SEZ6: variants seen among roughly 807,000 people sequenced by gnomAD.
SEZ6 encodes seizure protein 6 homolog.
A neutral mutation model predicts 101.0 loss-of-function variants in SEZ6; 53 were observed. The ratio of observed to expected loss-of-function variants is 0.52; its 90% confidence interval spans 0.42 to 0.66. The LOEUF is 0.66. SEZ6 is among the 30% of genes least tolerant of loss of function. SEZ6 has a pLI of 0.00. For missense variants in SEZ6, 1,102 were observed against 1,289.4 expected, an observed-to-expected ratio of 0.85 and a Z score of 2.23; for synonymous variants, 488 against 512.2, an observed-to-expected ratio of 0.95 and a Z score of 0.64.
rs1475724470 is a variant in SEZ6, at chr17:29,005,982, C to G, written c.-113G>C. 1.1e-6 allele frequency: 1 copy of G among 923,586 alleles called. No individual in the cohort carries two copies. The highest frequency in any genetic ancestry group is 1.4e-6 in the Non-Finnish European group (1 of 711,648). 57.2% of individuals were successfully genotyped at this position (923,586 alleles called of 1,614,324 possible). On this transcript the variant is annotated 5_prime_UTR_variant, in exon 1 of 17. Coordinates refer to ENST00000317338, the MANE Select transcript of SEZ6 (RefSeq NM_178860.5). The surrounding 1 kb of genome is among the most constrained non-coding windows in gnomAD (Gnocchi z 4.8). The stretch of plus-strand genomic sequence containing the variant: ...TCCGGCCGGGTAGAGGGAGCGGGGC[C>G]GCAGCCGTCACCGCCGCTGCCGCCG...
At chr17:28,986,456 C>A (rs572937545) in intron 1 of SEZ6, among the ~76,000 whole-genome samples, 3 of 152,194 alleles carry the variant, frequency 2.0e-5, no homozygotes, top group East Asian at 1.9e-4. Context: ...TTAGGGGAAG[C>A]CTTAAGGACT....
intron 1 of SEZ6, among the ~76,000 whole-genome samples, chr17:28,988,894 G>T (rs2041420110): frequency 1.3e-5 from 2 of 152,180 alleles, no homozygotes; most frequent in Non-Finnish European, 2.9e-5. Flanking sequence ...GATGGGGCTG[G>T]GACATCTAGC....
intron 1 of SEZ6, among the ~76,000 whole-genome samples, chr17:28,995,312 ATTTG>A (rs1395339676): frequency 6.7e-6 from 1 of 150,104 alleles, no homozygotes; most frequent in Non-Finnish European, 1.5e-5. Flanking sequence ...GTGTGAGCAT[ATTTG>A]TTTGTGTGTC....
At chr17:28,991,201 A>G (rs2041452298) in intron 1 of SEZ6, among the ~76,000 whole-genome samples, 1 of 144,164 alleles carries the variant, frequency 6.9e-6, no homozygotes, top group Non-Finnish European at 1.5e-5. Context: ...CACCACTCCC[A>G]GCCTCCATTT....
In SEZ6 at chr17:28,964,095, A is replaced by G; in HGVS notation, c.1107T>C (p.Thr369=). The G allele has an allele frequency of 6.2e-7, 1 of 1,605,782 alleles. No individual in the cohort carries two copies. Among genetic ancestry groups the G allele is most frequent in the Non-Finnish European group, 8.5e-7 (1 of 1,176,108 alleles). Reference sequence around the variant, plus strand: ...TACCCCCTGGGTGGAGGCTGGTGACAGTCACATCTCCATAAGCTGGACGAC... The same window carrying G: ...TACCCCCTGGGTGGAGGCTGGTGACGGTCACATCTCCATAAGCTGGACGAC... ...FPRRPAYGDV[T]VTSLHPGGSA... is the part of the protein sequence containing the mutation. Residue 369 remains threonine, a synonymous_variant, in exon 5 of 17, where the codon ACT becomes ACC. Coordinates refer to ENST00000317338, the MANE Select transcript of SEZ6 (RefSeq NM_178860.5).
rs568912491 is a variant in SEZ6, at chr17:28,971,274, A to C, written c.859-1322T>G. On this transcript the variant is annotated intron_variant, in intron 3 of 16. Coordinates refer to ENST00000317338, the MANE Select transcript of SEZ6 (RefSeq NM_178860.5). Reference sequence around the variant, plus strand: ...ATGTGGTTCTTGGACCAGCATCAGCAGCCTCACCTGGGAACTTGTAAGAAA... The same window carrying C: ...ATGTGGTTCTTGGACCAGCATCAGCCGCCTCACCTGGGAACTTGTAAGAAA... 1.2e-3 allele frequency among the ~76,000 whole-genome samples: 188 copies of C among 152,292 alleles called. 1 individual carries two copies. Among genetic ancestry groups the C allele is most frequent in the Admixed American group, 5.8e-3 (88 of 15,304 alleles).
chr17:29,005,712 G>A lies in SEZ6; in HGVS notation c.55+103C>T. On this transcript the variant is annotated intron_variant, in intron 1 of 16. Transcript: ENST00000317338. The surrounding 1 kb of genome is among the most constrained non-coding windows in gnomAD (Gnocchi z 4.8). ...CGCAGCCGGCGGGGCGCGGTGCTTGGACTGGGCAGCCAGATGCCCGAAGCT... is the reference window on the plus strand; with the variant it reads ...CGCAGCCGGCGGGGCGCGGTGCTTGAACTGGGCAGCCAGATGCCCGAAGCT... The A allele has an allele frequency of 8.1e-7, 1 of 1,237,882 alleles. No homozygotes were observed. The highest frequency in any genetic ancestry group is 1.1e-6 in the Non-Finnish European group (1 of 929,988). 76.7% of individuals were successfully genotyped at this position (1,237,882 alleles called of 1,614,324 possible).
intron 1 of SEZ6, among the ~76,000 whole-genome samples, chr17:29,002,491 G>A (rs2041628186): frequency 6.6e-6 from 1 of 152,192 alleles, no homozygotes; most frequent in Non-Finnish European, 1.5e-5. Context: ...CCTATGAGGA[G>A]CAAAAAGCCA....
chr17:29,005,976 C>A lies in SEZ6; in HGVS notation c.-107G>T, dbSNP rs1320658911. On this transcript the variant is annotated 5_prime_UTR_variant, in exon 1 of 17. Transcript: ENST00000317338. This position sits in a 1 kb window ranked among gnomAD's most constrained non-coding sequence, Gnocchi z 4.8. ...GCCGGGTCCGGCCGGGTAGAGGGAG[C>A]GGGGCCGCAGCCGTCACCGCCGCTG... 1 of 991,362 alleles carries A rather than the reference C, an allele frequency of 1.0e-6. No homozygotes were observed. The highest frequency in any genetic ancestry group is 1.3e-6 in the Non-Finnish European group (1 of 768,968). The allele number at this position is 991,362 out of a possible 1,614,324, so 61.4% of individuals were successfully genotyped here. A position where few individuals can be genotyped will look rare whatever the true frequency, so the allele number is the denominator to read the frequency against.
chr17:28,994,141 AG>A (rs1413049886), intron 1 of SEZ6, among the ~76,000 whole-genome samples: 1 of 152,238 alleles, frequency 6.6e-6, no homozygotes, highest in Non-Finnish European at 1.5e-5. Context: ...GTGGAAGCTG[AG>A]GAGCCTGGTG....
intron 13 of SEZ6, 122 bp downstream of exon 13, chr17:28,956,923 G>T: frequency 7.4e-7 from 1 of 1,351,798 alleles, no homozygotes. Context: ...GGCAGAGACT[G>T]GGGAGACCAA....
chr17:28,957,839 G>A, intron 11 of SEZ6, 108 bp downstream of exon 11: 1 of 1,291,558 alleles, frequency 7.7e-7, no homozygotes, highest in Non-Finnish European at 1.1e-6. Flanking sequence ...AAGAGGTGAA[G>A]GAACTTTGAA....
chr17:28,968,349 C>T (rs2041101413), intron 4 of SEZ6, among the ~76,000 whole-genome samples: 1 of 152,250 alleles, frequency 6.6e-6, no homozygotes. Context: ...GCTCTTCCAG[C>T]CCTTCCTTGG....
chr17:28,994,172 C>T (rs545026248), intron 1 of SEZ6, among the ~76,000 whole-genome samples: 4 of 152,232 alleles, frequency 2.6e-5, no homozygotes, highest in South Asian at 2.1e-4. Context: ...TAGAAGGCCT[C>T]GAGCATGGAT....
intron 1 of SEZ6, among the ~76,000 whole-genome samples, chr17:28,984,106 T>C (rs766030197): frequency 3.3e-5 from 5 of 152,206 alleles, no homozygotes; most frequent in Non-Finnish European, 5.9e-5. Flanking sequence ...TGTCTTGGCA[T>C]TGTGTGCCAG....
chr17:28,965,266 C>A (rs1054435383), intron 4 of SEZ6, among the ~76,000 whole-genome samples: 6 of 152,130 alleles, frequency 3.9e-5, no homozygotes, highest in Non-Finnish European at 5.9e-5. Context: ...GCAGGAGAAT[C>A]GCTTGAACCC....
At chr17:28,960,704 G>A in intron 6 of SEZ6, 33 bp from the exon 7 acceptor site, 2 of 1,612,126 alleles carry the variant, frequency 1.2e-6, no homozygotes, top group Non-Finnish European at 1.7e-6. Flanking sequence ...ATGTAGGCTG[G>A]TGGCTGACCC....
At chr17:28,970,520 C>T (rs1006039785) in intron 3 of SEZ6, among the ~76,000 whole-genome samples, 1 of 152,186 alleles carries the variant, frequency 6.6e-6, no homozygotes, top group Non-Finnish European at 1.5e-5. Flanking sequence ...AAACTGGCAT[C>T]TTGCCTCCTC....
At chr17:28,961,724 C>A (rs1567984304) in intron 5 of SEZ6, among the ~76,000 whole-genome samples, 1 of 152,150 alleles carries the variant, frequency 6.6e-6, no homozygotes, top group Non-Finnish European at 1.5e-5. Flanking sequence ...CCACAAACTC[C>A]TGGCGGTTAT....
Sources: allele counts gnomAD v4.1 joint callset (sites outside exome capture counted in the v4.1 genomes callset), GRCh38; gene constraint gnomAD v4.1.1; non-coding constraint Gnocchi (gnomAD v3.1); transcripts MANE v1.5; gene names NCBI Gene and HGNC (gene_info 2026-07-23, HGNC 2026-07-21).